SUGT1: variants seen among roughly 807,000 people sequenced by gnomAD.
The protein encoded by SUGT1 is SGT1 assembly cochaperone of MIS12 kinetochore complex.
Under a neutral mutation model 56.1 loss-of-function variants are expected in SUGT1, and 15 were observed. That is an observed-to-expected ratio of 0.27 (90% CI 0.18 to 0.41). The LOEUF (loss-of-function observed/expected upper bound fraction) is 0.41, where lower values mean the gene tolerates loss of function less well. SUGT1 is among the 10% of genes least tolerant of loss of function. SUGT1 has a pLI of 1.00. For synonymous variants in SUGT1, 123 were observed against 128.6 expected (o/e 0.96, Z 0.30); for missense variants, 347 against 382.2 (o/e 0.91, Z 0.77).
At chr13:52,662,114 C>G (rs1962485066) in intron 5 of SUGT1, among the ~76,000 whole-genome samples, 1 of 152,066 alleles carries the variant, frequency 6.6e-6, no homozygotes, top group Non-Finnish European at 1.5e-5. Context: ...GGAGATAGGA[C>G]AAAACTTCAC....
In SUGT1 at chr13:52,693,990, A is replaced by G. The variant is rs913135003; in HGVS notation, c.*6155A>G. ...ATAAATTAGGCACAGTAAGATATTA[A>G]TAATAGAATATACAATATACCGCAA... On this transcript the variant is annotated 3_prime_UTR_variant, in exon 13 of 13. Coordinates refer to ENST00000310528, the MANE Select transcript of SUGT1 (RefSeq NM_006704.5). 3.9e-5 allele frequency: 6 copies of G among 152,248 alleles called. No individual in the cohort carries two copies. The highest frequency in any genetic ancestry group is 2.0e-4 in the Admixed American group (3 of 15,286). 9.4% of individuals were successfully genotyped at this position (152,248 alleles called of 1,614,324 possible). A position where few individuals can be genotyped will look rare whatever the true frequency, so the allele number is the denominator to read the frequency against.
chr13:52,658,602 A>G, intron 4 of SUGT1, 134 bp downstream of exon 4: 1 of 738,038 alleles, frequency 1.4e-6, no homozygotes, highest in Non-Finnish European at 2.0e-6. Context: ...GATATGATTC[A>G]ATTTTAAATA....
chr13:52,697,442 C>T lies in SUGT1; in HGVS notation c.*9607C>T, dbSNP rs1488339755. On this transcript the variant is annotated 3_prime_UTR_variant, in exon 13 of 13. Coordinates refer to ENST00000310528, the MANE Select transcript of SUGT1 (RefSeq NM_006704.5). Reference sequence around the variant, plus strand: ...TACAGGAGAGGCCAGATCTTAAAAGCCAGGAGTGGAATTAGGTTTGAGCAT... The same window carrying T: ...TACAGGAGAGGCCAGATCTTAAAAGTCAGGAGTGGAATTAGGTTTGAGCAT... The T allele has an allele frequency of 6.6e-6, 1 of 152,070 alleles. No individual in the cohort carries two copies. The highest frequency in any genetic ancestry group is 1.5e-5 in the Non-Finnish European group (1 of 68,010). 9.4% of individuals were successfully genotyped at this position (152,070 alleles called of 1,614,324 possible).
intron 3 of SUGT1, chr13:52,658,062 A>T: frequency 8.4e-7 from 1 of 1,197,474 alleles, no homozygotes; most frequent in Non-Finnish European, 1.0e-6. Flanking sequence ...TGTATTTAAA[A>T]AGTAATGTAT....
Position 52,697,901 on chromosome 13 carries a change from G to A in SUGT1, c.*10066G>A, listed in dbSNP as rs551830896. On this transcript the variant is annotated 3_prime_UTR_variant, in exon 13 of 13. Coordinates refer to ENST00000310528, the MANE Select transcript of SUGT1 (RefSeq NM_006704.5). ...TTCATGGAGCTTAGCTTGTGGTGGT[G>A]GAAAGAAGCCCTCAGCCTGAATACT... 7 of 152,252 alleles carry A rather than the reference G, an allele frequency of 4.6e-5. No individual in the cohort carries two copies. Among genetic ancestry groups the A allele is most frequent in the Admixed American group, 3.9e-4 (6 of 15,288 alleles). 9.4% of individuals were successfully genotyped at this position (152,252 alleles called of 1,614,324 possible). A position where few individuals can be genotyped will look rare whatever the true frequency, so the allele number is the denominator to read the frequency against.
intron 12 of SUGT1, among the ~76,000 whole-genome samples, chr13:52,681,709 G>A (rs759896827): frequency 5.0e-4 from 76 of 151,864 alleles, no homozygotes; most frequent in Non-Finnish European, 6.6e-4. Flanking sequence ...TTGGCATGAT[G>A]TTGTGCCCCT....
rs1185336235 is a variant in SUGT1, at chr13:52,688,450, A to AT, written c.*616dup. The AT allele has an allele frequency of 1.3e-5, 2 of 152,344 alleles. No individual in the cohort carries two copies. The highest frequency in any genetic ancestry group is 2.9e-5 in the Non-Finnish European group (2 of 68,038). 9.4% of individuals were successfully genotyped at this position (152,344 alleles called of 1,614,324 possible). ...TACCTTGCAAGTTTCTGTATAAAACATAGATACCTGAGTTTTAACACACTG... is the reference window on the plus strand; with the variant it reads ...TACCTTGCAAGTTTCTGTATAAAACATTAGATACCTGAGTTTTAACACACTG... On this transcript the variant is annotated 3_prime_UTR_variant, in exon 13 of 13. Coordinates refer to ENST00000310528, the MANE Select transcript of SUGT1 (RefSeq NM_006704.5).
intron 10 of SUGT1, among the ~76,000 whole-genome samples, chr13:52,674,515 TTGTTAAGGTATTTTAAGG>T (rs1323274428): frequency 6.6e-6 from 1 of 152,172 alleles, no homozygotes; most frequent in Non-Finnish European, 1.5e-5. Context: ...GTGTTAGCGC[TTGTTAAGGTATTTTAAGG>T]TGCAAATTTT....
rs1033811459 is a variant in SUGT1, at chr13:52,663,362, T to C, written c.399+250T>C. Among the ~76,000 whole-genome samples, 24 of 152,360 alleles carry C rather than the reference T, an allele frequency of 1.6e-4. No homozygotes were observed. The East Asian group carries it at 3.1e-3, about 20-fold the overall frequency. ...AAAGTTGATTTCGTGTGTTTTAATA[T>C]GGTCATGATGATCATTTATCTTTTC... On this transcript the variant is annotated intron_variant, in intron 7 of 12. Transcript: ENST00000310528.
At position 52,658,438 on chromosome 13, in the gene SUGT1, C is replaced by T; in HGVS notation, c.227C>T (p.Pro76Leu). 6.2e-7 allele frequency: 1 copy of T among 1,613,064 alleles called. No homozygotes were observed. The highest frequency in any genetic ancestry group is 8.5e-7 in the Non-Finnish European group (1 of 1,179,708). ...GCAAAGAAGTCTCTAGAACTCAATCCAAATAATTCCACTGCTATGCTGAGA... is the reference window on the plus strand; with the variant it reads ...GCAAAGAAGTCTCTAGAACTCAATCTAAATAATTCCACTGCTATGCTGAGA... The part of the protein sequence containing the change: ...ADAKKSLELN[P>L]NNSTAMLRKG... Residue 76 changes from proline (P) to leucine (L), a missense_variant, in exon 4 of 13, where the codon CCA becomes CTA. By Grantham distance (98) the Pro-to-Leu change is moderately conservative. Coordinates refer to ENST00000310528, the MANE Select transcript of SUGT1 (RefSeq NM_006704.5).
chr13:52,675,840 C>T (rs901770577), intron 10 of SUGT1, among the ~76,000 whole-genome samples: 4 of 152,160 alleles, frequency 2.6e-5, no homozygotes, highest in Admixed American at 2.0e-4. Context: ...TAGTAGCAAC[C>T]GTGGTCTCTA....
In SUGT1 at chr13:52,699,505, C is replaced by G. The variant is rs993383586; in HGVS notation, c.*11670C>G. Reference sequence around the variant, plus strand: ...AAATTACGGTGCTGGTTGAGTAGGCCGAGTAGAATTTGTGTTAGGGCACAT... The same window carrying G: ...AAATTACGGTGCTGGTTGAGTAGGCGGAGTAGAATTTGTGTTAGGGCACAT... On this transcript the variant is annotated 3_prime_UTR_variant, in exon 13 of 13. Coordinates refer to ENST00000310528, the MANE Select transcript of SUGT1 (RefSeq NM_006704.5). The G allele has an allele frequency of 9.9e-5, 15 of 152,070 alleles. No homozygotes were observed. The highest frequency in any genetic ancestry group is 3.6e-4 in the African/African-American group (15 of 41,400). 9.4% of individuals were successfully genotyped at this position (152,070 alleles called of 1,614,324 possible).
intron 9 of SUGT1, 87 bp downstream of exon 9, chr13:52,665,820 A>C: frequency 1.2e-6 from 1 of 819,480 alleles, no homozygotes; most frequent in Non-Finnish European, 1.8e-6. Context: ...GGTTTATCAG[A>C]TAAATGCTAT....
chr13:52,653,697 C>T (rs1962027459), intron 2 of SUGT1, among the ~76,000 whole-genome samples: 1 of 151,928 alleles, frequency 6.6e-6, no homozygotes, highest in Non-Finnish European at 1.5e-5. Context: ...TGTAGGTGTG[C>T]AATGAAGGCA....
rs1276961908 is a variant in SUGT1 at position 52,694,629 on chromosome 13, TA to T, written c.*6797del. On this transcript the variant is annotated 3_prime_UTR_variant, in exon 13 of 13. Transcript: ENST00000310528. ...ACAAGGTACAAAATCACGCAGTTTA[TA>T]AACCACAGATTGTCTTGTTATTCCC... The T allele has an allele frequency of 6.6e-6, 1 of 152,246 alleles. No individual in the cohort carries two copies. Among genetic ancestry groups the T allele is most frequent in the African/African-American group, 2.4e-5 (1 of 41,470 alleles). The allele number at this position is 152,246 out of a possible 1,614,324, so 9.4% of individuals were successfully genotyped here.
At chr13:52,681,245 A>C (rs1253223474) in intron 12 of SUGT1, among the ~76,000 whole-genome samples, 1 of 147,666 alleles carries the variant, frequency 6.8e-6, no homozygotes, top group Non-Finnish European at 1.5e-5. Context: ...GAGAGACCCT[A>C]TCTCTACAAA....
intron 10 of SUGT1, among the ~76,000 whole-genome samples, chr13:52,668,708 A>T (rs1434489968): frequency 6.6e-6 from 1 of 152,020 alleles, no homozygotes; most frequent in African/African-American, 2.4e-5. Context: ...TTTGAGAGGG[A>T]TATAGTTCAT....
intron 10 of SUGT1, among the ~76,000 whole-genome samples, chr13:52,670,330 T>G (rs1962877835): frequency 6.6e-6 from 1 of 152,242 alleles, no homozygotes; most frequent in Non-Finnish European, 1.5e-5. Flanking sequence ...TTATTGCTAC[T>G]TTTTACTGAA....
Position 52,652,877 on chromosome 13 carries a change from C to A in SUGT1, c.-44C>A, listed in dbSNP as rs762504565. On this transcript the variant is annotated 5_prime_UTR_variant, in exon 1 of 13. Coordinates refer to ENST00000310528, the MANE Select transcript of SUGT1 (RefSeq NM_006704.5). ...CTTGGGCGGTGGTGGAGGTGGTAAC[C>A]GTGATAGTAGCAGCTCCGGCGGCAG... The A allele has an allele frequency of 6.2e-7, 1 of 1,602,954 alleles. No homozygotes were observed. Among genetic ancestry groups the A allele is most frequent in the Non-Finnish European group, 8.5e-7 (1 of 1,174,234 alleles).
Sources: gnomAD v4.1 joint callset for allele counts (sites outside exome capture counted in the v4.1 genomes callset) on GRCh38, gnomAD v4.1.1 for gene constraint, MANE v1.5 for transcripts, NCBI Gene and HGNC (gene_info 2026-07-23, HGNC 2026-07-21) for gene names.